Variants in NUDT9 observed in about 807,000 individuals in gnomAD.
NUDT9 encodes ADP-ribose pyrophosphatase.
Under a neutral mutation model 41.0 loss-of-function variants are expected in NUDT9, and 31 were observed. That is an observed-to-expected ratio of 0.76 (90% CI 0.57 to 1.02). The LOEUF is 1.02. Among genes scored for constraint, NUDT9 ranks in the 50% least tolerant of loss-of-function variants. The pLI, the probability that NUDT9 is intolerant of heterozygous loss-of-function variation, is 0.00. For missense variants in NUDT9, 380 were observed against 431.4 expected (o/e 0.88, Z 1.06); for synonymous variants, 146 against 147.6 (o/e 0.99, Z 0.08).
rs201203653 is a variant in NUDT9 at position 87,441,865 on chromosome 4, G to T, written c.480G>T (p.Gly160=). The T allele has an allele frequency of 2.5e-6, 4 of 1,613,632 alleles. No homozygotes were observed. The highest frequency in any genetic ancestry group is 3.4e-6 in the Non-Finnish European group (4 of 1,179,860). Residue 160 remains glycine, a synonymous_variant, in exon 4 of 8, where the codon GGG becomes GGT. Coordinates refer to ENST00000302174, the MANE Select transcript of NUDT9 (RefSeq NM_024047.5). The stretch of plus-strand genomic sequence containing the variant: ...GACGGACTGGACTGGTGGGCCGGGG[G>T]CTTTTGGGGCGATGGGGCCCAAATC... ...PAGRTGLVGR[G]LLGRWGPNHA...
chr4:87,451,757 AG>A (rs1273741995), intron 6 of NUDT9, 22 bp downstream of exon 6: 9 of 1,608,936 alleles, frequency 5.6e-6, no homozygotes, highest in Non-Finnish European at 7.6e-6. Flanking sequence ...TGTTTCTGGG[AG>A]GGATTTAGTT....
At chr4:87,434,631 T>G (rs1038872378) in intron 1 of NUDT9, among the ~76,000 whole-genome samples, 2 of 151,956 alleles carry the variant, frequency 1.3e-5, no homozygotes, top group African/African-American at 4.8e-5. Flanking sequence ...AGGTTCTTTT[T>G]TTTTTTGCTT....
intron 1 of NUDT9, among the ~76,000 whole-genome samples, chr4:87,424,254 G>GTT (rs147874067): frequency 0.072 from 7,120 of 98,686 alleles, 433 homozygotes; most frequent in East Asian, 0.2. Flanking sequence ...TCCCTAATGC[G>GTT]TTTTTTTTTT....
intron 3 of NUDT9, 117 bp from the exon 4 acceptor site, chr4:87,441,712 G>A: frequency 1.3e-6 from 1 of 795,444 alleles, no homozygotes; most frequent in Non-Finnish European, 2.2e-6. Context: ...TAGTTCCATT[G>A]GATTTGTAAG....
chr4:87,451,681 G>GCA lies in NUDT9; in HGVS notation c.735_736insCA (p.Lys246GlnfsTer5), dbSNP rs1560799215. Reference sequence around the variant, plus strand: ...ACTCCTTACAGAAAACCAGTGCTGAGAAGAGAGAAATAGAGGAAAAGTTGC... The same window carrying GCA: ...ACTCCTTACAGAAAACCAGTGCTGAGCAAAGAGAGAAATAGAGGAAAAGTTGC... On this transcript the variant is annotated frameshift_variant, in exon 6 of 8. Coordinates refer to ENST00000302174, the MANE Select transcript of NUDT9 (RefSeq NM_024047.5). LOFTEE classifies it high-confidence loss of function. The GCA allele has an allele frequency of 6.2e-7, 1 of 1,613,972 alleles. No individual in the cohort carries two copies.
chr4:87,449,652 C>T (rs1413531668), intron 5 of NUDT9, among the ~76,000 whole-genome samples: 4 of 152,200 alleles, frequency 2.6e-5, no homozygotes, highest in Non-Finnish European at 4.4e-5. Flanking sequence ...AATTTAACCT[C>T]CACTCCAAGC....
chr4:87,429,691 T>TC lies in NUDT9; in HGVS notation c.108-5283dup, dbSNP rs558861390. On this transcript the variant is annotated intron_variant, in intron 1 of 7. Transcript: ENST00000302174. Reference sequence around the variant, plus strand: ...TTTTCTCCTTTTCTCTCTCCCCGTTTCCCCCCCATCTTTGCCACTGTCTCT... The same window carrying TC: ...TTTTCTCCTTTTCTCTCTCCCCGTTTCCCCCCCCATCTTTGCCACTGTCTCT... 7.9e-3 allele frequency among the ~76,000 whole-genome samples: 1,143 copies of TC among 145,266 alleles called. 16 individuals carry two copies. The highest frequency in any genetic ancestry group is 0.023 in the African/African-American group (923 of 39,554).
intron 1 of NUDT9, chr4:87,434,360 G>A (rs1251163750): frequency 6.7e-6 from 1 of 149,860 alleles, no homozygotes; most frequent in African/African-American, 2.5e-5. Flanking sequence ...TGTTTTTATG[G>A]TTTGAGTTTT....
rs143253576 is a variant in NUDT9 at position 87,422,845 on chromosome 4, G to A, written c.-61G>A. The A allele has an allele frequency of 3.0e-6, 4 of 1,324,568 alleles. No individual in the cohort carries two copies. The highest frequency in any genetic ancestry group is 2.3e-5 in the East Asian group (1 of 43,052). The allele number at this position is 1,324,568 out of a possible 1,614,324, so 82.1% of individuals were successfully genotyped here. ...GCCGGGACTCGGAGCTGTGGGGTGTGGGGAGGCGGAGGCACCAACTAAGAG... is the reference window on the plus strand; with the variant it reads ...GCCGGGACTCGGAGCTGTGGGGTGTAGGGAGGCGGAGGCACCAACTAAGAG... On this transcript the variant is annotated 5_prime_UTR_variant, in exon 1 of 8. Transcript: ENST00000302174.
At chr4:87,423,074 G>C in intron 1 of NUDT9, 62 bp downstream of exon 1, 2 of 1,312,494 alleles carry the variant, frequency 1.5e-6, no homozygotes, top group East Asian at 2.4e-5. Flanking sequence ...GTGGGAAGCA[G>C]CTTTTTTTTC....
chr4:87,452,085 C>G (rs958827348), intron 6 of NUDT9, among the ~76,000 whole-genome samples: 2 of 151,780 alleles, frequency 1.3e-5, no homozygotes, highest in Admixed American at 6.6e-5. Flanking sequence ...TTACTGCAAC[C>G]TTCACCTCCC....
At chr4:87,441,143 A>G (rs181673083) in intron 3 of NUDT9, among the ~76,000 whole-genome samples, 13 of 152,336 alleles carry the variant, frequency 8.5e-5, no homozygotes, top group Non-Finnish European at 1.6e-4. Context: ...CATGAAGTAG[A>G]ATTACATGTT....
At chr4:87,435,348 T>C (rs1316837553) in intron 2 of NUDT9, 128 bp downstream of exon 2, 4 of 1,097,242 alleles carry the variant, frequency 3.6e-6, no homozygotes, top group Non-Finnish European at 5.1e-6. Flanking sequence ...TAACTCAGTT[T>C]CCACATTTGC....
intron 4 of NUDT9, chr4:87,445,394 A>T (rs1722399802): frequency 6.6e-6 from 1 of 152,176 alleles, no homozygotes; most frequent in South Asian, 2.1e-4. Context: ...TCTTTCAAGT[A>T]TGCACTTCAT....
At position 87,439,372 on chromosome 4, in the gene NUDT9, T is replaced by C. The variant is rs547853216; in HGVS notation, c.443+1000T>C. Among the ~76,000 whole-genome samples, 16 of 149,886 alleles carry C rather than the reference T, an allele frequency of 1.1e-4. No individual in the cohort carries two copies. The South Asian group carries it at 3.4e-3, about 32-fold the overall frequency. On this transcript the variant is annotated intron_variant, in intron 3 of 7. Coordinates refer to ENST00000302174, the MANE Select transcript of NUDT9 (RefSeq NM_024047.5). ...AAGAGCCCCTTATAAAACCATCAGATTGGCCAGGCACAGTGGCTCACACCT... is the reference window on the plus strand; with the variant it reads ...AAGAGCCCCTTATAAAACCATCAGACTGGCCAGGCACAGTGGCTCACACCT...
intron 1 of NUDT9, among the ~76,000 whole-genome samples, chr4:87,426,899 G>A (rs1339179967): frequency 2.2e-5 from 3 of 136,706 alleles, no homozygotes; most frequent in African/African-American, 5.6e-5. Context: ...ATTGGGAGTC[G>A]CTCAGCCTAC....
At chr4:87,428,023 A>T (rs900474497) in intron 1 of NUDT9, among the ~76,000 whole-genome samples, 1 of 152,220 alleles carries the variant, frequency 6.6e-6, no homozygotes, top group African/African-American at 2.4e-5. Context: ...AAGTTGTCAT[A>T]ATCATAATAT....
intron 6 of NUDT9, among the ~76,000 whole-genome samples, chr4:87,452,079 T>G (rs1387388591): frequency 6.6e-6 from 1 of 151,866 alleles, no homozygotes; most frequent in Admixed American, 6.6e-5. Context: ...CTTGGCTTAC[T>G]GCAACCTTCA....
At chr4:87,423,119 GT>G in intron 1 of NUDT9, 107 bp downstream of exon 1, 1 of 700,942 alleles carries the variant, frequency 1.4e-6, no homozygotes, top group Non-Finnish European at 2.3e-6. Flanking sequence ...TGCCTCTCGG[GT>G]TTTTATAGTC....
Sources: gnomAD v4.1 joint callset for allele counts (sites outside exome capture counted in the v4.1 genomes callset) on GRCh38, gnomAD v4.1.1 for gene constraint, MANE v1.5 for transcripts, NCBI Gene and HGNC (gene_info 2026-07-23, HGNC 2026-07-21) for gene names.